ERMARD: variants seen among roughly 807,000 people sequenced by gnomAD.
ERMARD encodes endoplasmic reticulum membrane-associated RNA degradation protein.
In ERMARD, 71 loss-of-function variants were observed where a neutral mutation model predicts 83.9. The ratio of observed to expected loss-of-function variants is 0.85; its 90% CI spans 0.70 to 1.03. The LOEUF (loss-of-function observed/expected upper bound fraction) is 1.03, where lower values mean the gene tolerates loss of function less well. Ranked by LOEUF, ERMARD falls within the 50% of genes least tolerant of loss-of-function variation. The pLI is 0.00. For missense variants in ERMARD, 838 were observed against 810.9 expected (o/e 1.03, Z -0.41); for synonymous variants, 284 against 298.6 (o/e 0.95, Z 0.50).
chr6:169,751,990 T>TCTCACCTGACCGTGGCTCGTTCC, intron 1 of ERMARD: 2 of 404,180 alleles, frequency 4.9e-6, no homozygotes, highest in Admixed American at 9.4e-5. Flanking sequence ...CAGGTCGGGC[T>TCTCACCTGACCGTGGCTCGTTCC]CTCACCTGAC....
At chr6:169,770,103 T>C (rs1312921669) in intron 12 of ERMARD, among the ~76,000 whole-genome samples, 2 of 145,102 alleles carry the variant, frequency 1.4e-5, no homozygotes, top group Non-Finnish European at 3.0e-5. Context: ...GTAAATAATT[T>C]AGGATAGAAC....
chr6:169,777,042 TG>T (rs1230380583), intron 16 of ERMARD, among the ~76,000 whole-genome samples: 1 of 152,056 alleles, frequency 6.6e-6, no homozygotes, highest in Non-Finnish European at 1.5e-5. Flanking sequence ...AATACAAAGG[TG>T]GGGGCCTTCC....
chr6:169,755,976 C>T (rs970375881), intron 3 of ERMARD, among the ~76,000 whole-genome samples: 1 of 152,094 alleles, frequency 6.6e-6, no homozygotes, highest in Non-Finnish European at 1.5e-5. Flanking sequence ...ATCATGTCCC[C>T]CTTGTACTAG....
chr6:169,768,068 C>T (rs778818911), intron 10 of ERMARD, 35 bp from the exon 11 acceptor site: 1 of 1,545,204 alleles, frequency 6.5e-7, no homozygotes, highest in East Asian at 2.2e-5. Context: ...TGTATGGGGA[C>T]CAGTTAACCA....
chr6:169,764,256 AGTTTTTTTTTTTTG>A (rs1438342334), intron 9 of ERMARD, among the ~76,000 whole-genome samples: 75 of 142,512 alleles, frequency 5.3e-4, no homozygotes, highest in African/African-American at 1.7e-3. Context: ...TTTTTTAGTT[AGTTTTTTTTTTTTG>A]GTTTTTTTTT....
At chr6:169,769,482 G>C in intron 11 of ERMARD, 58 bp from the exon 12 acceptor site, 1 of 1,479,260 alleles carries the variant, frequency 6.8e-7, no homozygotes, top group Non-Finnish European at 9.1e-7. Flanking sequence ...AGCAACACCA[G>C]GCACGTCTCT....
intron 5 of ERMARD, among the ~76,000 whole-genome samples, chr6:169,758,608 T>A (rs182865595): frequency 4.6e-5 from 7 of 152,370 alleles, no homozygotes; most frequent in African/African-American, 1.7e-4. Context: ...TTATGCACAT[T>A]TGAAGCAACT....
intron 1 of ERMARD, chr6:169,751,985 C>T (rs1790170445): frequency 4.8e-6 from 2 of 412,494 alleles, no homozygotes; most frequent in Non-Finnish European, 8.5e-6. Flanking sequence ...AGCCGCAGGT[C>T]GGGCTCTCAC....
At chr6:169,771,923 G>T (rs1009306484) in intron 12 of ERMARD, 2 of 152,176 alleles carry the variant, frequency 1.3e-5, no homozygotes, top group Non-Finnish European at 2.9e-5. Context: ...GTAGTCCTGA[G>T]AATAGCTTGA....
chr6:169,764,304 A>T (rs549204942), intron 9 of ERMARD, among the ~76,000 whole-genome samples: 25 of 140,894 alleles, frequency 1.8e-4, no homozygotes, highest in Non-Finnish European at 2.9e-4. Flanking sequence ...TTGCTTTGTC[A>T]CCCAGGCTGA....
rs1210021142 is a variant in ERMARD at position 169,776,461 on chromosome 6, C to T, written c.1527C>T (p.Pro509=). The part of the protein sequence containing the change: ...DLDRLPTETW[P]QLLRELCSTP... Reference sequence around the variant, plus strand: ...AGTCTGGCTCTGTTTGCAGGTGGCCCCAGCTTCTCCGTGAGCTCTGCAGCA... The same window carrying T: ...AGTCTGGCTCTGTTTGCAGGTGGCCTCAGCTTCTCCGTGAGCTCTGCAGCA... The change falls in exon 16 of 18, where the codon CCC becomes CCT. Residue 509 remains proline (P), a synonymous_variant. Coordinates refer to ENST00000366773, the MANE Select transcript of ERMARD (RefSeq NM_018341.3). 1 of 1,613,276 alleles carries T rather than the reference C, an allele frequency of 6.2e-7. No homozygotes were observed. Among genetic ancestry groups the T allele is most frequent in the Non-Finnish European group, 8.5e-7 (1 of 1,179,772 alleles).
At chr6:169,774,062 G>A (rs780775439) in intron 13 of ERMARD, among the ~76,000 whole-genome samples, 3 of 152,190 alleles carry the variant, frequency 2.0e-5, no homozygotes, top group Non-Finnish European at 2.9e-5. Flanking sequence ...GAGGCTGGGC[G>A]CAGTGTCTCA....
Position 169,774,354 on chromosome 6 carries a change from CGTT to C in ERMARD, c.1318-914_1318-912del, listed in dbSNP as rs549893123. Among the ~76,000 whole-genome samples the C allele has an allele frequency of 2.0e-3, 304 of 152,310 alleles. 2 individuals carry two copies. Among genetic ancestry groups the C allele is most frequent in the African/African-American group, 6.9e-3 (286 of 41,562 alleles). ...GCTGTGCTGGTCAGATGCCATTCCC[CGTT>C]GGCGCTGTGGACCAGCTTTACCAGT... On this transcript the variant is annotated intron_variant, in intron 13 of 17. Coordinates refer to ENST00000366773, the MANE Select transcript of ERMARD (RefSeq NM_018341.3).
At chr6:169,775,187 G>C (rs1793436250) in intron 13 of ERMARD, 83 bp from the exon 14 acceptor site, 1 of 1,346,362 alleles carries the variant, frequency 7.4e-7, no homozygotes, top group South Asian at 1.3e-5. Flanking sequence ...ATTTTCTAGA[G>C]AGTGATGTAA....
At position 169,765,809 on chromosome 6, in the gene ERMARD, C is replaced by T. The variant is rs561835893; in HGVS notation, c.961-829C>T. Reference sequence around the variant, plus strand: ...AAATCCTGATTTCATCACATCACACCGCATGGCCCTACAGTGATGGAGCGT... The same window carrying T: ...AAATCCTGATTTCATCACATCACACTGCATGGCCCTACAGTGATGGAGCGT... On this transcript the variant is annotated intron_variant, in intron 9 of 17. Coordinates refer to ENST00000366773, the MANE Select transcript of ERMARD (RefSeq NM_018341.3). 2.6e-4 allele frequency among the ~76,000 whole-genome samples: 40 copies of T among 152,298 alleles called. 2 individuals carry two copies. The South Asian group carries it at 7.3e-3, about 28-fold the overall frequency.
At chr6:169,754,281 C>T (rs1209728660) in intron 2 of ERMARD, among the ~76,000 whole-genome samples, 1 of 151,906 alleles carries the variant, frequency 6.6e-6, no homozygotes, top group Non-Finnish European at 1.5e-5. Flanking sequence ...CACAGAGGGG[C>T]TGGTGGGCTG....
intron 13 of ERMARD, 49 bp from the exon 14 acceptor site, chr6:169,775,221 T>C: frequency 6.4e-7 from 1 of 1,572,064 alleles, no homozygotes; most frequent in Non-Finnish European, 8.7e-7. Flanking sequence ...ACAGATTTTC[T>C]AGGAAGTTAC....
intron 15 of ERMARD, 55 bp from the exon 16 acceptor site, chr6:169,776,400 A>G (rs554697277): frequency 1.1e-5 from 17 of 1,580,042 alleles, no homozygotes; most frequent in East Asian, 2.3e-5. Context: ...GCAGAAGGAG[A>G]GTGAGGCCCA....
At chr6:169,773,288 A>C (rs1309832254) in intron 12 of ERMARD, 31 bp from the exon 13 acceptor site, 9 of 1,604,982 alleles carry the variant, frequency 5.6e-6, no homozygotes, top group Non-Finnish European at 6.8e-6. Flanking sequence ...CCACCCAAAC[A>C]TGATAGTAAC....
Sources: gnomAD v4.1 joint callset for allele counts (sites outside exome capture counted in the v4.1 genomes callset) on GRCh38, gnomAD v4.1.1 for gene constraint, MANE v1.5 for transcripts, NCBI Gene and HGNC (gene_info 2026-07-23, HGNC 2026-07-21) for gene names.